GJA5: variants seen among roughly 807,000 people sequenced by gnomAD.
GJA5 encodes gap junction protein alpha 5.
A neutral mutation model predicts 7.9 loss-of-function variants in GJA5; 3 were observed. That is an observed-to-expected ratio of 0.38 (90% CI 0.17 to 0.99). The LOEUF (loss-of-function observed/expected upper bound fraction) is 0.99, where lower values mean the gene tolerates loss of function less well. GJA5 is among the 50% of genes least tolerant of loss of function. The pLI, the probability that GJA5 is intolerant of heterozygous loss-of-function variation, is 0.38. For synonymous variants in GJA5, 193 were observed against 181.0 expected (o/e 1.07, Z -0.53); for missense variants, 390 against 457.9 (o/e 0.85, Z 1.35).
upstream of GJA5, among the ~76,000 whole-genome samples, chr1:147,764,352 C>T (rs79977093): frequency 0.023 from 3,543 of 152,256 alleles, 137 homozygotes; most frequent in African/African-American, 0.081. Flanking sequence ...ATGGAGGATA[C>T]ATCCTCACAC....
chr1:147,766,097 C>A (rs1221460683), intron 1 of GJA5, among the ~76,000 whole-genome samples: 1 of 152,092 alleles, frequency 6.6e-6, no homozygotes, highest in African/African-American at 2.4e-5. Context: ...GCAGCTGGGC[C>A]TTGGGCTGAA....
intron 1 of GJA5, among the ~76,000 whole-genome samples, chr1:147,768,750 A>C (rs6664633): frequency 0.55 from 83,569 of 151,976 alleles, 23,011 homozygotes; most frequent in East Asian, 0.69. Flanking sequence ...TCCCATTAAC[A>C]CTGCAAGGAA....
chr1:147,759,005 C>T lies in GJA5; in HGVS notation c.234G>A (p.Trp78Ter). The change falls in exon 2 of 2, where the codon TGG (tryptophan) becomes TGA (stop). Residue 78 changes from tryptophan to a stop codon, truncating the protein, a stop_gained. Coordinates refer to ENST00000579774, the MANE Select transcript of GJA5 (RefSeq NM_181703.4). LOFTEE classifies it high-confidence loss of function. ...TGGAGACGAAGATGATCTGCAGCAC[C>T]CAGTAGCGAATGTGGGAGATGGGGA... ...QAFPISHIRYWVLQIIFVSTP... is the reference protein window; with the variant it reads ...QAFPISHIRY The T allele has an allele frequency of 6.2e-7, 1 of 1,614,174 alleles. No individual in the cohort carries two copies. The highest frequency in any genetic ancestry group is 8.5e-7 in the Non-Finnish European group (1 of 1,180,016).
upstream of GJA5, among the ~76,000 whole-genome samples, chr1:147,765,581 A>G (rs1436133928): frequency 2.0e-5 from 3 of 152,358 alleles, no homozygotes; most frequent in Non-Finnish European, 1.5e-5. Flanking sequence ...GCAAGACTGC[A>G]TGAACAAATT....
upstream of GJA5, among the ~76,000 whole-genome samples, chr1:147,764,759 G>T (rs1031266503): frequency 1.5e-4 from 22 of 150,318 alleles, no homozygotes; most frequent in Admixed American, 1.1e-3. Flanking sequence ...GGGCGGTGGA[G>T]GTTGCAATGA....
At chr1:147,759,384 A>G in intron 1 of GJA5, 113 bp from the exon 2 acceptor site, 1 of 657,484 alleles carries the variant, frequency 1.5e-6, no homozygotes. Context: ...GGGTTCTTTA[A>G]GAAAATGCAA....
chr1:147,766,121 G>C (rs1296478553), intron 1 of GJA5, among the ~76,000 whole-genome samples: 1 of 152,054 alleles, frequency 6.6e-6, no homozygotes, highest in African/African-American at 2.4e-5. Context: ...TAAAGCCTTG[G>C]AGGTCTCACA....
Position 147,758,457 on chromosome 1 carries a change from C to A in GJA5, c.782G>T (p.Cys261Phe). ...SGPSVGIVQS[C>F]TPPPDFNQCL... Reference sequence around the variant, plus strand: ...CTGATTAAAGTCGGGGGGTGGTGTGCAGCTCTGGACTATGCCCACAGAGGG... The same window carrying A: ...CTGATTAAAGTCGGGGGGTGGTGTGAAGCTCTGGACTATGCCCACAGAGGG... Residue 261 changes from cysteine to phenylalanine, a missense_variant, in exon 2 of 2, where the codon TGC (cysteine) becomes TTC (phenylalanine). By Grantham distance (205) the Cys-to-Phe change is radical (BLOSUM62 -2). Around this residue, in one of 2 missense-constraint regions of GJA5, gnomAD observed 354 missense variants for 370.9 expected, o/e 0.95. Coordinates refer to ENST00000579774, the MANE Select transcript of GJA5 (RefSeq NM_181703.4). 6.2e-7 allele frequency: 1 copy of A among 1,614,168 alleles called. No homozygotes were observed.
Position 147,759,002 on chromosome 1 carries a change from C to T in GJA5, c.237G>A (p.Val79=). 1 of 1,614,228 alleles carries T rather than the reference C, an allele frequency of 6.2e-7. No individual in the cohort carries two copies. The highest frequency in any genetic ancestry group is 8.5e-7 in the Non-Finnish European group (1 of 1,180,024). The change falls in exon 2 of 2, where the codon GTG becomes GTA. Residue 79 remains valine, a synonymous_variant. Coordinates refer to ENST00000579774, the MANE Select transcript of GJA5 (RefSeq NM_181703.4). ...GCGTGGAGACGAAGATGATCTGCAG[C>T]ACCCAGTAGCGAATGTGGGAGATGG... ...AFPISHIRYW[V]LQIIFVSTPS...
At chr1:147,760,034 G>A (rs1376265849) in intron 1 of GJA5, among the ~76,000 whole-genome samples, 2 of 152,090 alleles carry the variant, frequency 1.3e-5, no homozygotes, top group African/African-American at 2.4e-5. Flanking sequence ...GTGTGCTTTG[G>A]TCACACCAGC....
In GJA5 at chr1:147,758,292, C is replaced by A. The variant is rs369631383; in HGVS notation, c.947G>T (p.Arg316Leu). Residue 316 changes from arginine (R) to leucine (L), a missense_variant, in exon 2 of 2, where the codon CGT becomes CTT. Transcript: ENST00000579774. The part of the protein sequence containing the change: ...QTPGEGFIQV[R>L]YGQKPEVPNG... ...GGGCACCTCAGGCTTCTGGCCATAA[C>A]GAACCTGGATGAAACCTTCCCCAGG... The A allele has an allele frequency of 5.6e-6, 9 of 1,613,990 alleles. No homozygotes were observed. Among genetic ancestry groups the A allele is most frequent in the South Asian group, 2.2e-5 (2 of 91,080 alleles).
intron 1 of GJA5, among the ~76,000 whole-genome samples, chr1:147,765,973 G>A (rs1185206796): frequency 2.0e-5 from 3 of 152,162 alleles, no homozygotes; most frequent in African/African-American, 4.8e-5. Context: ...CCCTACCATA[G>A]GGATGCCTTG....
rs1553227059 is a variant in GJA5, at chr1:147,758,991, A to G, written c.248T>C (p.Ile83Thr). 3.7e-6 allele frequency: 6 copies of G among 1,614,240 alleles called. No individual in the cohort carries two copies. The highest frequency in any genetic ancestry group is 5.1e-6 in the Non-Finnish European group (6 of 1,180,030). The change falls in exon 2 of 2, where the codon ATC (isoleucine) becomes ACC (threonine). Residue 83 changes from isoleucine to threonine, a missense_variant. Ile to Thr is a moderately conservative substitution (Grantham distance 89, BLOSUM62 -1). This residue lies in a region of GJA5 where 354 missense variants were observed against 370.9 expected (regional missense o/e 0.95). Transcript: ENST00000579774. ...CACCAGAGAGGGCGTGGAGACGAAG[A>G]TGATCTGCAGCACCCAGTAGCGAAT... ...SHIRYWVLQI[I>T]FVSTPSLVYM...
At chr1:147,770,875 T>C (rs1664371162) in intron 1 of GJA5, among the ~76,000 whole-genome samples, 1 of 152,126 alleles carries the variant, frequency 6.6e-6, no homozygotes, top group Admixed American at 6.5e-5. Flanking sequence ...CTTCCAACAA[T>C]AGTAAGGAAG....
rs1223451914 is a variant in GJA5, at chr1:147,756,621, G to A, written c.*1541C>T. 6.6e-6 allele frequency: 1 copy of A among 152,250 alleles called. No homozygotes were observed. Among genetic ancestry groups the A allele is most frequent in the Non-Finnish European group, 1.5e-5 (1 of 68,094 alleles). 9.4% of individuals were successfully genotyped at this position (152,250 alleles called of 1,614,324 possible). A position where few individuals can be genotyped will look rare whatever the true frequency, so the allele number is the denominator to read the frequency against. On this transcript the variant is annotated 3_prime_UTR_variant, in exon 2 of 2. Coordinates refer to ENST00000579774, the MANE Select transcript of GJA5 (RefSeq NM_181703.4). The stretch of plus-strand genomic sequence containing the variant: ...ATAACTGCCAGGCAGCCGGAGAGGA[G>A]AGCAGGAAGACACAAGTTTCTCTGT...
rs370607116 is a variant in GJA5, at chr1:147,757,934, G to A, written c.*228C>T. The A allele has an allele frequency of 1.7e-6, 1 of 581,772 alleles. No individual in the cohort carries two copies. The highest frequency in any genetic ancestry group is 3.1e-6 in the Non-Finnish European group (1 of 326,662). The allele number at this position is 581,772 out of a possible 1,614,324, so 36.0% of individuals were successfully genotyped here. A position where few individuals can be genotyped will look rare whatever the true frequency, so the allele number is the denominator to read the frequency against. On this transcript the variant is annotated 3_prime_UTR_variant, in exon 2 of 2. Transcript: ENST00000579774. Reference sequence around the variant, plus strand: ...AGTAATCTGAAAGGCTTCGTATACTGGGTAGAGGGTGGGGAGGGAACTGCA... The same window carrying A: ...AGTAATCTGAAAGGCTTCGTATACTAGGTAGAGGGTGGGGAGGGAACTGCA...
chr1:147,767,560 G>T (rs1377153578), intron 1 of GJA5, among the ~76,000 whole-genome samples: 3,771 of 67,178 alleles, frequency 0.056, 246 homozygotes, highest in African/African-American at 0.21. Context: ...GCTAATTTTT[G>T]TTATTTTTTT....
At chr1:147,762,864 T>C (rs1664072626), upstream of GJA5, among the ~76,000 whole-genome samples, 1 of 152,236 alleles carries the variant, frequency 6.6e-6, no homozygotes, top group Non-Finnish European at 1.5e-5. Context: ...TAAAATACTT[T>C]GTAGATTATT....
chr1:147,772,912 T>C (rs1359102268), intron 1 of GJA5, among the ~76,000 whole-genome samples: 2 of 151,948 alleles, frequency 1.3e-5, no homozygotes, highest in African/African-American at 4.8e-5. Context: ...GCCAATTCCC[T>C]CTAAGAAAAG....
Sources: allele counts gnomAD v4.1 joint callset (sites outside exome capture counted in the v4.1 genomes callset), GRCh38; gene constraint gnomAD v4.1.1; regional missense constraint gnomAD v4.1.1; transcripts MANE v1.5; gene names NCBI Gene and HGNC (gene_info 2026-07-23, HGNC 2026-07-21).